ANKRD55: variants seen among roughly 807,000 people sequenced by gnomAD.
The protein encoded by ANKRD55 is ankyrin repeat domain-containing protein 55.
A neutral mutation model predicts 60.6 loss-of-function variants in ANKRD55; 41 were observed. The ratio of observed to expected loss-of-function variants is 0.68; its 90% CI spans 0.53 to 0.88. ANKRD55 has a LOEUF of 0.88. Ranked by LOEUF, ANKRD55 falls within the 40% of genes least tolerant of loss-of-function variation. The probability of loss-of-function intolerance (pLI) is 0.00; values close to 1 mark genes in which losing one functional copy is unlikely to be tolerated. For synonymous variants in ANKRD55, 264 were observed against 290.3 expected (o/e 0.91, Z 0.92); for missense variants, 732 against 767.6 (o/e 0.95, Z 0.55).
intron 2 of ANKRD55, among the ~76,000 whole-genome samples, chr5:56,207,228 C>T (rs1759533979): frequency 6.6e-6 from 1 of 152,088 alleles, no homozygotes; most frequent in African/African-American, 2.4e-5. Flanking sequence ...AACATCTAGG[C>T]AGGTTAGATG....
intron 3 of ANKRD55, among the ~76,000 whole-genome samples, chr5:56,176,559 A>G (rs1018380292): frequency 2.0e-5 from 3 of 152,218 alleles, no homozygotes; most frequent in Admixed American, 6.5e-5. Context: ...AGGGATCAGC[A>G]TAATTTAAGA....
intron 1 of ANKRD55, 32 bp from the exon 2 acceptor site, chr5:56,232,978 A>G (rs1760296420): frequency 2.7e-6 from 4 of 1,479,432 alleles, no homozygotes; most frequent in African/African-American, 1.4e-5. Context: ...CTCAAACCTT[A>G]CTGTCAACAT....
At chr5:56,141,150 T>TTTA (rs60161958) in intron 7 of ANKRD55, among the ~76,000 whole-genome samples, 111 of 146,590 alleles carry the variant, frequency 7.6e-4, no homozygotes, top group Non-Finnish European at 1.4e-3. Context: ...TTTTTTTTTT[T>TTTA]ATATAGAGAT....
At chr5:56,197,005 A>G (rs1464302255) in intron 2 of ANKRD55, among the ~76,000 whole-genome samples, 2 of 152,166 alleles carry the variant, frequency 1.3e-5, no homozygotes, top group Non-Finnish European at 2.9e-5. Context: ...GTTGTGTTTA[A>G]GCAAACTCTG....
At chr5:56,135,360 TTTCTTTCC>T (rs1757564227) in intron 7 of ANKRD55, among the ~76,000 whole-genome samples, 2 of 122,532 alleles carry the variant, frequency 1.6e-5, no homozygotes, top group African/African-American at 6.3e-5. Context: ...TCTTTCTTTC[TTTCTTTCC>T]TTCTTTCTTT....
intron 2 of ANKRD55, among the ~76,000 whole-genome samples, chr5:56,226,675 A>G (rs190525209): frequency 2.4e-4 from 37 of 152,368 alleles, no homozygotes; most frequent in African/African-American, 8.4e-4. Flanking sequence ...AAAGTGGGTG[A>G]AGGGTGTGAA....
At chr5:56,144,386 G>A (rs761377265) in intron 6 of ANKRD55, among the ~76,000 whole-genome samples, 1 of 152,160 alleles carries the variant, frequency 6.6e-6, no homozygotes, top group Non-Finnish European at 1.5e-5. Flanking sequence ...TAAGTTAAAG[G>A]AAGGCCTCTG....
chr5:56,219,906 A>C (rs141559313), intron 2 of ANKRD55, among the ~76,000 whole-genome samples: 2 of 152,368 alleles, frequency 1.3e-5, no homozygotes, highest in African/African-American at 4.8e-5. Flanking sequence ...GTATCAAAAT[A>C]GTGGTATCAA....
At chr5:56,213,200 T>C (rs1274740920) in intron 2 of ANKRD55, among the ~76,000 whole-genome samples, 3 of 152,230 alleles carry the variant, frequency 2.0e-5, no homozygotes, top group African/African-American at 4.8e-5. Flanking sequence ...GTTCCAACAA[T>C]TGTTTGGGAG....
At chr5:56,121,005 C>T (rs528145140) in intron 8 of ANKRD55, among the ~76,000 whole-genome samples, 20 of 151,744 alleles carry the variant, frequency 1.3e-4, no homozygotes, top group East Asian at 9.7e-4. Flanking sequence ...ATACTAGGAG[C>T]GAGGGATGGG....
intron 8 of ANKRD55, 64 bp downstream of exon 8, chr5:56,126,858 T>C: frequency 6.6e-7 from 1 of 1,520,230 alleles, no homozygotes; most frequent in Non-Finnish European, 8.9e-7. Context: ...ACATCTCCTT[T>C]ATTTTAAGAT....
intron 6 of ANKRD55, among the ~76,000 whole-genome samples, chr5:56,151,437 G>C (rs190563612): frequency 1.1e-3 from 162 of 152,216 alleles, no homozygotes; most frequent in African/African-American, 3.9e-3. Context: ...AACAAAAGAA[G>C]AAAGGGCCAT....
chr5:56,174,751 G>C (rs1758700788), intron 4 of ANKRD55, among the ~76,000 whole-genome samples: 1 of 149,472 alleles, frequency 6.7e-6, no homozygotes, highest in Non-Finnish European at 1.5e-5. Context: ...AGAATCGCTT[G>C]AACCTGGGAG....
intron 2 of ANKRD55, among the ~76,000 whole-genome samples, chr5:56,211,057 G>A (rs1759659354): frequency 6.6e-6 from 1 of 152,116 alleles, no homozygotes; most frequent in South Asian, 2.1e-4. Flanking sequence ...GAATTTGGGG[G>A]TACAGCCAAA....
At chr5:56,224,660 G>T (rs566028607) in intron 2 of ANKRD55, among the ~76,000 whole-genome samples, 36 of 152,252 alleles carry the variant, frequency 2.4e-4, no homozygotes, top group African/African-American at 7.2e-4. Context: ...TATCACCACT[G>T]ATCCCACAGA....
chr5:56,190,145 A>C (rs1003795541), intron 2 of ANKRD55, among the ~76,000 whole-genome samples: 4 of 152,218 alleles, frequency 2.6e-5, no homozygotes, highest in Admixed American at 6.5e-5. Flanking sequence ...ATGTCTATTC[A>C]AATCCTTTGC....
intron 6 of ANKRD55, among the ~76,000 whole-genome samples, chr5:56,152,586 C>T (rs890463053): frequency 2.0e-5 from 3 of 152,138 alleles, no homozygotes; most frequent in Non-Finnish European, 2.9e-5. Context: ...ATTTAACTCC[C>T]GGTAGCTGCA....
chr5:56,125,369 C>T (rs866325137), intron 8 of ANKRD55, among the ~76,000 whole-genome samples: 12 of 152,010 alleles, frequency 7.9e-5, no homozygotes, highest in African/African-American at 2.2e-4. Context: ...CAACCTCTGC[C>T]TCTTGGGTTC....
chr5:56,180,611 C>A (rs2111828308), intron 3 of ANKRD55, among the ~76,000 whole-genome samples: 1 of 152,216 alleles, frequency 6.6e-6, no homozygotes, highest in South Asian at 2.1e-4. Flanking sequence ...TTATTAAGAT[C>A]TTTGATTTAT....
Sources: gnomAD v4.1 joint callset for allele counts (sites outside exome capture counted in the v4.1 genomes callset) on GRCh38, gnomAD v4.1.1 for gene constraint, MANE v1.5 for transcripts, NCBI Gene and HGNC (gene_info 2026-07-23, HGNC 2026-07-21) for gene names.